The following HS3ST5 variants were observed in gnomAD, a reference collection of about 807,000 sequenced individuals.
The protein encoded by HS3ST5 is heparan sulfate glucosamine 3-O-sulfotransferase 5.
A neutral mutation model predicts 25.4 loss-of-function variants in HS3ST5; 10 were observed. The observed-to-expected ratio is 0.39, with a 90% confidence interval of 0.24 to 0.67. The LOEUF (loss-of-function observed/expected upper bound fraction) is 0.67, where lower values mean the gene tolerates loss of function less well. Ranked by LOEUF, HS3ST5 falls within the 30% of genes least tolerant of loss-of-function variation. The pLI, the probability that HS3ST5 is intolerant of heterozygous loss-of-function variation, is 0.44. For synonymous variants in HS3ST5, 170 were observed against 162.4 expected (o/e 1.05, Z -0.36); for missense variants, 324 against 420.7 (o/e 0.77, Z 2.01).
chr6:114,306,040 T>C (rs2114825223), intron 1 of HS3ST5, among the ~76,000 whole-genome samples: 1 of 152,126 alleles, frequency 6.6e-6, no homozygotes, highest in Admixed American at 6.5e-5. Flanking sequence ...TCCTGTACAA[T>C]TACCATTGCA....
chr6:114,083,066 T>C (rs1201288667), intron 3 of HS3ST5, among the ~76,000 whole-genome samples: 2 of 152,244 alleles, frequency 1.3e-5, no homozygotes, highest in African/African-American at 4.8e-5. Context: ...CAAGTGCTAT[T>C]TCTTTTGCAG....
intron 1 of HS3ST5, among the ~76,000 whole-genome samples, chr6:114,295,195 T>C (rs1340061445): frequency 1.3e-5 from 2 of 152,182 alleles, no homozygotes; most frequent in African/African-American, 4.8e-5. Flanking sequence ...AAAATATATT[T>C]ACAGAAAATA....
chr6:114,146,925 A>C (rs1778195505), intron 3 of HS3ST5, among the ~76,000 whole-genome samples: 1 of 152,170 alleles, frequency 6.6e-6, no homozygotes, highest in African/African-American at 2.4e-5. Flanking sequence ...TTTCTTTATA[A>C]ATTACCCAGT....
intron 2 of HS3ST5, among the ~76,000 whole-genome samples, chr6:114,194,698 G>A (rs1170610796): frequency 2.6e-5 from 4 of 152,128 alleles, no homozygotes; most frequent in Admixed American, 2.6e-4. Context: ...TTCTACCCCT[G>A]GATCATGCTA....
chr6:114,340,669 G>A (rs1287289768), intron 1 of HS3ST5: 1 of 151,954 alleles, frequency 6.6e-6, no homozygotes, highest in Admixed American at 6.6e-5. Flanking sequence ...GAAACCCCAA[G>A]GTAACAATGA....
At chr6:114,241,200 G>A (rs560332164) in intron 1 of HS3ST5, among the ~76,000 whole-genome samples, 14 of 139,512 alleles carry the variant, frequency 1.0e-4, no homozygotes, top group South Asian at 4.5e-4. Context: ...TTGCCAGGAC[G>A]CTTTCAAATT....
chr6:114,187,945 C>G (rs747097623), intron 2 of HS3ST5, among the ~76,000 whole-genome samples: 1 of 152,094 alleles, frequency 6.6e-6, no homozygotes, highest in African/African-American at 2.4e-5. Context: ...TGCAGATGAT[C>G]GTTAGCAATA....
At chr6:114,254,740 G>T (rs747154603) in intron 1 of HS3ST5, among the ~76,000 whole-genome samples, 1 of 152,042 alleles carries the variant, frequency 6.6e-6, no homozygotes, top group Non-Finnish European at 1.5e-5. Flanking sequence ...AAGTGAAAGG[G>T]GTTTCCCCTT....
At chr6:114,114,328 G>T (rs191004704) in intron 3 of HS3ST5, among the ~76,000 whole-genome samples, 1 of 152,102 alleles carries the variant, frequency 6.6e-6, no homozygotes, top group South Asian at 2.1e-4. Context: ...CCATTGTGCT[G>T]TTACTTTTAA....
At chr6:114,341,181 G>T (rs369319791) in intron 1 of HS3ST5, among the ~76,000 whole-genome samples, 1 of 118,144 alleles carries the variant, frequency 8.5e-6, no homozygotes, top group African/African-American at 3.5e-5. Context: ...GGAGGGAGAG[G>T]GAGAGGGAGA....
chr6:114,271,224 T>C (rs1773625564), intron 1 of HS3ST5, among the ~76,000 whole-genome samples: 1 of 152,204 alleles, frequency 6.6e-6, no homozygotes, highest in African/African-American at 2.4e-5. Context: ...TCAGTTCTGG[T>C]GTATGTTGTT....
At chr6:114,179,776 C>A (rs1395392301) in intron 2 of HS3ST5, among the ~76,000 whole-genome samples, 16 of 151,482 alleles carry the variant, frequency 1.1e-4, no homozygotes, top group Admixed American at 9.2e-4. Context: ...GGCTGAGAAG[C>A]CAGGAAGCCA....
chr6:114,245,939 G>T (rs1010707720), intron 1 of HS3ST5, among the ~76,000 whole-genome samples: 1 of 152,132 alleles, frequency 6.6e-6, no homozygotes, highest in African/African-American at 2.4e-5. Flanking sequence ...AAAAATTTTC[G>T]TGGAAAGGGT....
At chr6:114,148,902 C>A (rs543131831) in intron 3 of HS3ST5, among the ~76,000 whole-genome samples, 1 of 152,136 alleles carries the variant, frequency 6.6e-6, no homozygotes, top group Non-Finnish European at 1.5e-5. Context: ...GAAAAACAAC[C>A]CCATCAAAAA....
chr6:114,059,501 C>T (rs1772969677), intron 4 of HS3ST5: 1 of 152,168 alleles, frequency 6.6e-6, no homozygotes, highest in Non-Finnish European at 1.5e-5. Flanking sequence ...TGCCCCCACC[C>T]AAATCTCATC....
intron 1 of HS3ST5, among the ~76,000 whole-genome samples, chr6:114,233,417 A>G (rs537559404): frequency 6.6e-6 from 1 of 152,230 alleles, no homozygotes; most frequent in South Asian, 2.1e-4. Flanking sequence ...CCACTTTTCT[A>G]TAAGATTAGA....
intron 1 of HS3ST5, among the ~76,000 whole-genome samples, chr6:114,317,546 AT>A (rs1202217122): frequency 6.6e-6 from 1 of 152,170 alleles, no homozygotes; most frequent in South Asian, 2.1e-4. Context: ...GTATATTGTA[AT>A]TTTTTTATTC....
chr6:114,328,824 G>A (rs1776276453), intron 1 of HS3ST5, among the ~76,000 whole-genome samples: 1 of 152,166 alleles, frequency 6.6e-6, no homozygotes, highest in African/African-American at 2.4e-5. Flanking sequence ...GAGAGGGTGG[G>A]ATAGGCAAGG....
At position 114,264,645 on chromosome 6, in the gene HS3ST5, A is replaced by C. The variant is rs544825024; in HGVS notation, c.-338-35867T>G. Among the ~76,000 whole-genome samples the C allele has an allele frequency of 3.8e-3, 576 of 152,032 alleles. 6 individuals are homozygous for C. The highest frequency in any genetic ancestry group is 0.013 in the African/African-American group (555 of 41,470). On this transcript the variant is annotated intron_variant, in intron 1 of 4. Coordinates refer to ENST00000312719, the MANE Select transcript of HS3ST5 (RefSeq NM_153612.4). Reference sequence around the variant, plus strand: ...TTATACTTATTTGTAAGAGTTTTTCATGTTCATTCCATTAAGTAGGGATGT... The same window carrying C: ...TTATACTTATTTGTAAGAGTTTTTCCTGTTCATTCCATTAAGTAGGGATGT...
Sources: allele counts gnomAD v4.1 joint callset (sites outside exome capture counted in the v4.1 genomes callset), GRCh38; gene constraint gnomAD v4.1.1; transcripts MANE v1.5; gene names NCBI Gene and HGNC (gene_info 2026-07-23, HGNC 2026-07-21).